NREP: variants seen among roughly 807,000 people sequenced by gnomAD.
NREP encodes the protein neuronal regeneration related protein.
A neutral mutation model predicts 8.6 loss-of-function variants in NREP; 5 were observed. The ratio of observed to expected loss-of-function variants is 0.58; its 90% confidence interval spans 0.30 to 1.22. NREP has a LOEUF of 1.22. Ranked by LOEUF, NREP falls within the 50% of genes most tolerant of loss-of-function variation. The pLI, the probability that NREP is intolerant of heterozygous loss-of-function variation, is 0.07. For missense variants in NREP, 86 were observed against 82.5 expected (o/e 1.04, Z -0.17); for synonymous variants, 27 against 28.0 (o/e 0.96, Z 0.11).
chr5:111,830,634 A>G (rs1050372093), intron 2 of NREP, among the ~76,000 whole-genome samples: 1 of 152,220 alleles, frequency 6.6e-6, no homozygotes, highest in Admixed American at 6.5e-5. Flanking sequence ...CTGCTTTAAG[A>G]GAAGGTGTGA....
chr5:111,895,180 C>G (rs1167064580), intron 2 of NREP, among the ~76,000 whole-genome samples: 1 of 152,262 alleles, frequency 6.6e-6, no homozygotes, highest in South Asian at 2.1e-4. Flanking sequence ...AATGAATATC[C>G]TCAACTTATC....
chr5:111,744,708 C>A (rs1423448854), intron 2 of NREP, among the ~76,000 whole-genome samples: 1 of 152,016 alleles, frequency 6.6e-6, no homozygotes. Context: ...GAGCTCCCAA[C>A]CCAAACAGAT....
At chr5:111,759,510 T>C (rs1750911234), upstream of NREP, among the ~76,000 whole-genome samples, 1 of 151,678 alleles carries the variant, frequency 6.6e-6, no homozygotes, top group Admixed American at 6.6e-5. Context: ...CACTACGGCC[T>C]CCCAAAGTGC....
At chr5:111,761,726 C>T (rs532958859), upstream of NREP, among the ~76,000 whole-genome samples, 9 of 152,282 alleles carry the variant, frequency 5.9e-5, no homozygotes, top group African/African-American at 2.2e-4. Flanking sequence ...CCCATACAGC[C>T]TGCTAGATCC....
chr5:111,781,432 T>C (rs2112883463), intron 2 of NREP, among the ~76,000 whole-genome samples: 1 of 152,154 alleles, frequency 6.6e-6, no homozygotes, highest in South Asian at 2.1e-4. Flanking sequence ...CCACTAAAAA[T>C]GTGGGCAAGC....
intron 2 of NREP, among the ~76,000 whole-genome samples, chr5:111,875,442 G>C (rs1292741590): frequency 6.6e-6 from 1 of 151,952 alleles, no homozygotes; most frequent in Non-Finnish European, 1.5e-5. Context: ...AATAAAATTT[G>C]GATAACATAG....
chr5:111,772,540 C>A (rs1348963180), intron 2 of NREP, among the ~76,000 whole-genome samples: 1 of 151,994 alleles, frequency 6.6e-6, no homozygotes, highest in Non-Finnish European at 1.5e-5. Flanking sequence ...TTTGAGGGAA[C>A]ATCTTTATGC....
chr5:111,858,691 G>T (rs1399804603), intron 2 of NREP, among the ~76,000 whole-genome samples: 1 of 151,974 alleles, frequency 6.6e-6, no homozygotes, highest in Non-Finnish European at 1.5e-5. Flanking sequence ...CGATCATAAG[G>T]TCTGATTCAT....
At chr5:111,958,487 G>T (rs1412878966) in intron 2 of NREP, among the ~76,000 whole-genome samples, 6 of 151,738 alleles carry the variant, frequency 4.0e-5, no homozygotes, top group African/African-American at 1.4e-4. Context: ...AAAGTTTCTG[G>T]GCTCACAATT....
intron 2 of NREP, among the ~76,000 whole-genome samples, chr5:111,769,069 G>C (rs1270813236): frequency 6.6e-6 from 1 of 152,142 alleles, no homozygotes; most frequent in African/African-American, 2.4e-5. Context: ...ACTGGTGTGA[G>C]ATGACATCTC....
chr5:111,863,231 T>C (rs1398074034), intron 2 of NREP, among the ~76,000 whole-genome samples: 2 of 152,048 alleles, frequency 1.3e-5, no homozygotes, highest in Non-Finnish European at 2.9e-5. Flanking sequence ...GATGATTTGG[T>C]GATAGGTTAG....
chr5:111,789,925 T>C (rs1751700833), intron 2 of NREP, among the ~76,000 whole-genome samples: 1 of 152,096 alleles, frequency 6.6e-6, no homozygotes, highest in African/African-American at 2.4e-5. Context: ...ATTTGTAGAT[T>C]TGACATGAAT....
At chr5:111,976,375 T>C (rs1307345081) in intron 1 of NREP, among the ~76,000 whole-genome samples, 1 of 152,194 alleles carries the variant, frequency 6.6e-6, no homozygotes, top group African/African-American at 2.4e-5. Context: ...CTCTTTGCCA[T>C]ATCCAATCCC....
chr5:111,840,809 A>G (rs1263722932), intron 2 of NREP, among the ~76,000 whole-genome samples: 2 of 152,182 alleles, frequency 1.3e-5, no homozygotes, highest in African/African-American at 2.4e-5. Context: ...TTGACAGGAA[A>G]AACTATGAAC....
rs1026274505 is a variant in NREP, at chr5:111,735,634, T to C, written c.4-127A>G. 12 of 624,020 alleles carry C rather than the reference T, an allele frequency of 1.9e-5. No individual in the cohort carries two copies. In the Admixed American group the frequency reaches 2.8e-4, roughly 14 times the overall value. 38.7% of individuals were successfully genotyped at this position (624,020 alleles called of 1,614,324 possible). A position where few individuals can be genotyped will look rare whatever the true frequency, so the allele number is the denominator to read the frequency against. On this transcript the variant is annotated intron_variant, in intron 2 of 3. Transcript: ENST00000257435. ...TATTCCCGACTACCACTTAGAGCAC[T>C]GGGGAAACCATTAACTCTTTCAAAC...
intron 2 of NREP, among the ~76,000 whole-genome samples, chr5:111,881,857 T>C (rs1195858080): frequency 6.6e-6 from 1 of 150,668 alleles, no homozygotes; most frequent in Non-Finnish European, 1.5e-5. Flanking sequence ...AGACCAAAAA[T>C]AGATAAAACC....
chr5:111,973,123 G>T (rs1692836113), intron 2 of NREP, among the ~76,000 whole-genome samples: 1 of 152,142 alleles, frequency 6.6e-6, no homozygotes, highest in East Asian at 1.9e-4. Context: ...AGCACAACAG[G>T]AAGAGGGACT....
chr5:111,778,381 C>G (rs1282967568), intron 2 of NREP, among the ~76,000 whole-genome samples: 1 of 152,158 alleles, frequency 6.6e-6, no homozygotes, highest in African/African-American at 2.4e-5. Context: ...GTCATCCTCA[C>G]TACGAGTGAG....
In NREP at chr5:111,820,715, T is replaced by C. The variant is rs78586374; in HGVS notation, c.136-85208A>G. 5.6e-3 allele frequency among the ~76,000 whole-genome samples: 854 copies of C among 152,310 alleles called. 6 individuals are homozygous for C. The highest frequency in any genetic ancestry group is 0.019 in the African/African-American group (778 of 41,578). On this transcript the variant is annotated intron_variant, in intron 2 of 3. Transcript: ENST00000395634. ...TATAGAAGTGTGATCTGTCTGCCTT[T>C]ATGGTTTCATTGGAGACTATTTACA...
Sources: allele counts gnomAD v4.1 joint callset (sites outside exome capture counted in the v4.1 genomes callset), GRCh38; gene constraint gnomAD v4.1.1; transcripts MANE v1.5; gene names NCBI Gene and HGNC (gene_info 2026-07-23, HGNC 2026-07-21).